Variants in HIVEP3 observed in about 807,000 individuals in gnomAD.
The protein encoded by HIVEP3 is transcription factor HIVEP3.
In HIVEP3, 49 loss-of-function variants were observed where a neutral mutation model predicts 152.8. The ratio of observed to expected loss-of-function variants is 0.32; its 90% CI spans 0.26 to 0.41. HIVEP3 has a LOEUF of 0.41. Among genes scored for constraint, HIVEP3 ranks in the 10% least tolerant of loss-of-function variants. The pLI is 1.00. For missense variants in HIVEP3, 2,790 were observed against 3,103.3 expected (o/e 0.90, Z 2.40); for synonymous variants, 1,269 against 1,289.0 (o/e 0.98, Z 0.33).
intron 1 of HIVEP3, among the ~76,000 whole-genome samples, chr1:41,934,641 T>G (rs1156480558): frequency 1.3e-5 from 2 of 152,164 alleles, no homozygotes; most frequent in African/African-American, 4.8e-5. Flanking sequence ...CTTGGAAACT[T>G]GCTTAAAGAG....
chr1:41,661,589 GCAATGCTAGTTTAA>G (rs1645712967), intron 2 of HIVEP3, among the ~76,000 whole-genome samples: 1 of 152,224 alleles, frequency 6.6e-6, no homozygotes, highest in South Asian at 2.1e-4. Flanking sequence ...AGGATCCAGA[GCAATGCTAGTTTAA>G]CTCACTCCCA....
At chr1:41,972,928 G>A (rs1349510678) in intron 1 of HIVEP3, among the ~76,000 whole-genome samples, 1 of 151,864 alleles carries the variant, frequency 6.6e-6, no homozygotes, top group Non-Finnish European at 1.5e-5. Context: ...AATATTTATT[G>A]AAACATTATT....
chr1:41,680,448 A>G (rs1468486345), intron 2 of HIVEP3, among the ~76,000 whole-genome samples: 1 of 152,184 alleles, frequency 6.6e-6, no homozygotes, highest in African/African-American at 2.4e-5. Flanking sequence ...TAGCCTCATC[A>G]CAGTGTCCAG....
chr1:41,745,413 C>T (rs1335394365), intron 1 of HIVEP3, among the ~76,000 whole-genome samples: 1 of 152,228 alleles, frequency 6.6e-6, no homozygotes, highest in Non-Finnish European at 1.5e-5. Flanking sequence ...GTATAAAATT[C>T]TGCTTTGCAA....
intron 1 of HIVEP3, among the ~76,000 whole-genome samples, chr1:42,011,959 C>T (rs1456800863): frequency 6.6e-6 from 1 of 152,160 alleles, no homozygotes; most frequent in South Asian, 2.1e-4. Flanking sequence ...AGGGCCTCAT[C>T]CTGGGAAACA....
intron 1 of HIVEP3, among the ~76,000 whole-genome samples, chr1:41,997,480 T>A (rs996783382): frequency 6.6e-6 from 1 of 152,212 alleles, no homozygotes; most frequent in African/African-American, 2.4e-5. Context: ...TTAAATAGTA[T>A]CACATACAAA....
rs141763788 is a variant in HIVEP3, at chr1:41,889,086, G to A, written c.-801+29327C>T. On this transcript the variant is annotated intron_variant, in intron 1 of 8. Coordinates refer to ENST00000372583, the MANE Select transcript of HIVEP3 (RefSeq NM_024503.5). ...CATACACCACACACACCACACATAC[G>A]CCACATACCTCACACACCAAACACA... is the stretch of plus-strand genomic sequence containing the variant. Among the ~76,000 whole-genome samples, 467 of 109,608 alleles carry A rather than the reference G, an allele frequency of 4.3e-3. 1 individual carries two copies. Among genetic ancestry groups the A allele is most frequent in the Admixed American group, 8.9e-3 (97 of 10,952 alleles). 71.9% of individuals were successfully genotyped at this position (109,608 alleles called of 152,430 possible). A position where few individuals can be genotyped will look rare whatever the true frequency, so the allele number is the denominator to read the frequency against.
rs193022649 is a variant in HIVEP3, at chr1:41,576,453, C to T, written c.5062-764G>A. Among the ~76,000 whole-genome samples, 19 of 152,322 alleles carry T rather than the reference C, an allele frequency of 1.2e-4. No individual in the cohort carries two copies. In the East Asian group the frequency reaches 2.7e-3, roughly 22 times the overall value. On this transcript the variant is annotated intron_variant, in intron 4 of 8. Coordinates refer to ENST00000372583, the MANE Select transcript of HIVEP3 (RefSeq NM_024503.5). ...GACATCTTCCACTATCCCAAGAACA[C>T]GTCCTGTAAACACTGCAGTGTTGTC...
chr1:41,832,633 T>C (rs1642997446), intron 1 of HIVEP3, among the ~76,000 whole-genome samples: 1 of 152,224 alleles, frequency 6.6e-6, no homozygotes, highest in Non-Finnish European at 1.5e-5. Flanking sequence ...TTTTTCCCTC[T>C]AGGATGTGAG....
chr1:41,582,166 G>A lies in HIVEP3; in HGVS notation c.2632C>T (p.Pro878Ser), dbSNP rs778381365. 53 of 1,613,904 alleles carry A rather than the reference G, an allele frequency of 3.3e-5. No individual in the cohort carries two copies. Among genetic ancestry groups the A allele is most frequent in the Non-Finnish European group, 4.1e-5 (48 of 1,179,992 alleles). The change falls in exon 4 of 9, where the codon CCT (proline) becomes TCT (serine). Residue 878 changes from proline to serine, a missense_variant. By Grantham distance (74) the Pro-to-Ser change is moderately conservative. Transcript: ENST00000372583. This position sits in a 1 kb window ranked among gnomAD's most constrained non-coding sequence, Gnocchi z 4.7. ...CATTGGAACTCCTCAGTCTTCTCAGGTTCCTTAGGGGGCGGCTCTGGCTCT... is the reference window on the plus strand; with the variant it reads ...CATTGGAACTCCTCAGTCTTCTCAGATTCCTTAGGGGGCGGCTCTGGCTCT... ...DTEPEPPPKE[P>S]EKTEEFQWPQ...
At chr1:41,977,036 T>C (rs189617358) in intron 1 of HIVEP3, among the ~76,000 whole-genome samples, 1 of 152,130 alleles carries the variant, frequency 6.6e-6, no homozygotes, top group African/African-American at 2.4e-5. Context: ...TCAACATATC[T>C]CTAATGTTTG....
intron 5 of HIVEP3, among the ~76,000 whole-genome samples, chr1:41,531,815 T>C (rs1336305484): frequency 4.8e-5 from 2 of 41,612 alleles, no homozygotes; most frequent in African/African-American, 2.2e-4. Flanking sequence ...ACAGGAGAGA[T>C]GGAGGACAGG....
intron 3 of HIVEP3, among the ~76,000 whole-genome samples, chr1:41,594,213 A>G (rs1290753346): frequency 1.3e-5 from 2 of 152,266 alleles, no homozygotes; most frequent in East Asian, 1.9e-4. Flanking sequence ...CTTACGTTTC[A>G]GTTATAATTA....
rs138724172 is a variant in HIVEP3, at chr1:41,563,254, G to C, written c.5207+12290C>G. ...CCCAGCTACTCAGGAGGCTGAGGCA[G>C]GAGAATTTCTTGAACCCAGGAGGCG... On this transcript the variant is annotated intron_variant, in intron 5 of 8. Coordinates refer to ENST00000372583, the MANE Select transcript of HIVEP3 (RefSeq NM_024503.5). 2.3e-4 allele frequency among the ~76,000 whole-genome samples: 35 copies of C among 152,184 alleles called. 1 individual carries two copies. The East Asian group carries it at 6.7e-3, about 29-fold the overall frequency.
intron 7 of HIVEP3, 108 bp downstream of exon 7, chr1:41,518,294 T>C: frequency 1.1e-6 from 1 of 894,148 alleles, no homozygotes; most frequent in Non-Finnish European, 1.9e-6. Context: ...GGAGGGGGAA[T>C]GGGGCAAAGC....
intron 5 of HIVEP3, among the ~76,000 whole-genome samples, chr1:41,538,752 C>T (rs1412234519): frequency 1.3e-5 from 2 of 150,046 alleles, no homozygotes; most frequent in African/African-American, 2.5e-5. Context: ...GCCGATACCC[C>T]ATTTCTGACC....
At chr1:41,938,401 A>G (rs1645029998) in intron 1 of HIVEP3, among the ~76,000 whole-genome samples, 1 of 152,188 alleles carries the variant, frequency 6.6e-6, no homozygotes, top group Admixed American at 6.5e-5. Flanking sequence ...ATGCTCAATC[A>G]ACATCTACTG....
chr1:41,939,024 T>G (rs1439915879), intron 1 of HIVEP3, among the ~76,000 whole-genome samples: 1 of 152,180 alleles, frequency 6.6e-6, no homozygotes, highest in Admixed American at 6.5e-5. Flanking sequence ...CTTGCTTACC[T>G]CAGCTTACCT....
At chr1:41,746,848 G>GT (rs1346743741) in intron 1 of HIVEP3, among the ~76,000 whole-genome samples, 1 of 152,172 alleles carries the variant, frequency 6.6e-6, no homozygotes, top group Non-Finnish European at 1.5e-5. Flanking sequence ...CTCAGCCGTG[G>GT]GCCAGCCCTC....
Sources: gnomAD v4.1 joint callset for allele counts (sites outside exome capture counted in the v4.1 genomes callset) on GRCh38, gnomAD v4.1.1 for gene constraint, Gnocchi (gnomAD v3.1) non-coding constraint, MANE v1.5 for transcripts, NCBI Gene and HGNC (gene_info 2026-07-23, HGNC 2026-07-21) for gene names.